The following BICRAL variants were observed in gnomAD, a reference collection of about 807,000 sequenced individuals.
The protein encoded by BICRAL is BICRA like chromatin remodeling complex associated protein.
A neutral mutation model predicts 91.8 loss-of-function variants in BICRAL; 8 were observed. The ratio of observed to expected loss-of-function variants is 0.09; its 90% confidence interval spans 0.05 to 0.16. The LOEUF (loss-of-function observed/expected upper bound fraction) is 0.16. Ranked by LOEUF, BICRAL falls within the 10% of genes least tolerant of loss-of-function variation. The pLI, the probability that BICRAL is intolerant of heterozygous loss-of-function variation, is 1.00. For synonymous variants in BICRAL, 445 were observed against 491.1 expected (o/e 0.91, Z 1.24); for missense variants, 1,038 against 1,310.9 (o/e 0.79, Z 3.21).
At chr6:42,785,476 A>C (rs565256896) in intron 1 of BICRAL, among the ~76,000 whole-genome samples, 1 of 151,084 alleles carries the variant, frequency 6.6e-6, no homozygotes, top group African/African-American at 2.4e-5. Flanking sequence ...CGAGAGAATC[A>C]CTTGAACTGG....
intron 6 of BICRAL, among the ~76,000 whole-genome samples, chr6:42,846,560 A>G (rs953439966): frequency 1.4e-4 from 22 of 152,118 alleles, no homozygotes; most frequent in African/African-American, 4.8e-4. Context: ...CCCAGCTTCA[A>G]ATTCTCCAGA....
At chr6:42,794,980 T>TA (rs1763381286) in intron 1 of BICRAL, among the ~76,000 whole-genome samples, 1 of 150,960 alleles carries the variant, frequency 6.6e-6, no homozygotes, top group Middle Eastern at 3.2e-3. Flanking sequence ...AAAAGAAACT[T>TA]ACCATAAGTC....
At chr6:42,809,906 C>T (rs1443723690) in intron 1 of BICRAL, among the ~76,000 whole-genome samples, 2 of 152,164 alleles carry the variant, frequency 1.3e-5, no homozygotes, top group Non-Finnish European at 2.9e-5. Flanking sequence ...CCTGCCTTAG[C>T]CTCCTGAGTA....
At chr6:42,773,288 G>C (rs1024455763) in intron 1 of BICRAL, among the ~76,000 whole-genome samples, 2 of 151,912 alleles carry the variant, frequency 1.3e-5, no homozygotes, top group Admixed American at 6.6e-5. Context: ...ATTTTGGCCA[G>C]GGTGGTCTTG....
intron 1 of BICRAL, among the ~76,000 whole-genome samples, chr6:42,776,821 T>G (rs1430402937): frequency 6.6e-6 from 1 of 152,242 alleles, no homozygotes; most frequent in Non-Finnish European, 1.5e-5. Flanking sequence ...GAGAGAGAAC[T>G]CTAAACCATT....
intron 1 of BICRAL, among the ~76,000 whole-genome samples, 173 bp from the exon 2 acceptor site, chr6:42,810,133 T>C (rs1185444335): frequency 6.6e-6 from 1 of 152,168 alleles, no homozygotes; most frequent in African/African-American, 2.4e-5. Flanking sequence ...TGCCTTACTC[T>C]TTTCCACCCA....
At chr6:42,798,226 C>G (rs1763466416) in intron 1 of BICRAL, among the ~76,000 whole-genome samples, 1 of 151,930 alleles carries the variant, frequency 6.6e-6, no homozygotes. Flanking sequence ...TTGAAAATTA[C>G]CTATTGGGTA....
upstream of BICRAL, among the ~76,000 whole-genome samples, chr6:42,779,860 A>G (rs1762861597): frequency 6.6e-6 from 1 of 152,100 alleles, no homozygotes; most frequent in African/African-American, 2.4e-5. Context: ...GCCTCAAGCT[A>G]TCCTCCCATC....
intron 1 of BICRAL, among the ~76,000 whole-genome samples, chr6:42,791,314 A>G (rs986749432): frequency 2.0e-5 from 3 of 152,182 alleles, no homozygotes; most frequent in African/African-American, 7.2e-5. Context: ...TAAAGTTGTG[A>G]AACCGAACAT....
intron 6 of BICRAL, among the ~76,000 whole-genome samples, chr6:42,848,251 CA>C (rs879944219): frequency 1.3e-3 from 178 of 141,350 alleles, no homozygotes; most frequent in Non-Finnish European, 1.2e-3. Flanking sequence ...GACTCCATCT[CA>C]AAAAAAAAAA....
At chr6:42,839,056 C>T (rs927666410) in intron 6 of BICRAL, among the ~76,000 whole-genome samples, 16 of 151,874 alleles carry the variant, frequency 1.1e-4, no homozygotes, top group Non-Finnish European at 2.2e-4. Flanking sequence ...AAAAATTAGC[C>T]AGGTGTGGTG....
intron 1 of BICRAL, among the ~76,000 whole-genome samples, chr6:42,784,005 C>A (rs1269214299): frequency 6.6e-6 from 1 of 152,160 alleles, no homozygotes; most frequent in Non-Finnish European, 1.5e-5. Flanking sequence ...TGTCTGCCTT[C>A]CGGTAGCATG....
chr6:42,827,911 G>A (rs868375255), intron 5 of BICRAL, among the ~76,000 whole-genome samples: 6 of 152,062 alleles, frequency 3.9e-5, no homozygotes, highest in Admixed American at 1.3e-4. Flanking sequence ...AATAAAGTCT[G>A]TGGCAGTATC....
intron 1 of BICRAL, among the ~76,000 whole-genome samples, chr6:42,762,971 G>C (rs952242824): frequency 6.6e-6 from 1 of 152,008 alleles, no homozygotes; most frequent in African/African-American, 2.4e-5. Flanking sequence ...GAAATAGCCT[G>C]GCACTCTTGA....
chr6:42,759,564 C>G (rs1466440164), intron 1 of BICRAL, among the ~76,000 whole-genome samples: 1 of 152,088 alleles, frequency 6.6e-6, no homozygotes, highest in African/African-American at 2.4e-5. Flanking sequence ...TGTAGAAGTT[C>G]CAGTTTGTGG....
chr6:42,825,190 G>A (rs1192638447), intron 5 of BICRAL, among the ~76,000 whole-genome samples: 4 of 150,894 alleles, frequency 2.7e-5, no homozygotes, highest in African/African-American at 7.3e-5. Flanking sequence ...AACCTGGGAG[G>A]TGGAGGTTAC....
chr6:42,747,791 TTTTG>T (rs1762303759), intron 1 of BICRAL, among the ~76,000 whole-genome samples: 1 of 148,924 alleles, frequency 6.7e-6, no homozygotes, highest in Admixed American at 6.7e-5. Flanking sequence ...GTTTTTGCTT[TTTTG>T]TTTTATTTTG....
chr6:42,787,196 G>A (rs1763125989), intron 1 of BICRAL, among the ~76,000 whole-genome samples: 1 of 152,120 alleles, frequency 6.6e-6, no homozygotes. Flanking sequence ...GAGGGAGAGG[G>A]AGGAATCAAG....
At chr6:42,793,403 C>T (rs191117876) in intron 1 of BICRAL, among the ~76,000 whole-genome samples, 3,529 of 146,578 alleles carry the variant, frequency 0.024, 66 homozygotes, top group Non-Finnish European at 0.037. Flanking sequence ...CCACCCGCCT[C>T]GGCCTCCCAA....
Sources: allele counts gnomAD v4.1 joint callset (sites outside exome capture counted in the v4.1 genomes callset), GRCh38; gene constraint gnomAD v4.1.1; transcripts MANE v1.5; gene names NCBI Gene and HGNC (gene_info 2026-07-23, HGNC 2026-07-21).